Variants in GAN observed in about 807,000 individuals in gnomAD.
GAN encodes gigaxonin.
GAN carries 48 observed loss-of-function variants against 71.3 expected under a neutral mutation model. The observed-to-expected ratio is 0.67, with a 90% confidence interval of 0.53 to 0.86. The LOEUF (loss-of-function observed/expected upper bound fraction) is 0.86, where lower values mean the gene tolerates loss of function less well. GAN is among the 40% of genes least tolerant of loss of function. The pLI is 0.00. For missense variants in GAN, 928 were observed against 770.1 expected (o/e 1.21, Z -2.43); for synonymous variants, 386 against 276.8 (o/e 1.39, Z -3.92).
chr16:81,334,443 T>C (rs1451408306), intron 1 of GAN, among the ~76,000 whole-genome samples: 1 of 152,156 alleles, frequency 6.6e-6, no homozygotes, highest in Non-Finnish European at 1.5e-5. Flanking sequence ...TTTCACTACA[T>C]TGCATCTCCG....
rs949227747 is a variant in GAN at position 81,387,267 on chromosome 16, G to A, written c.*9671G>A. ...AAATTTCAGAAAAAAGTTTTGTTGCGGGGGGTGGGATATTGATCATTTGAA... is the reference window on the plus strand; with the variant it reads ...AAATTTCAGAAAAAAGTTTTGTTGCAGGGGGTGGGATATTGATCATTTGAA... On this transcript the variant is annotated 3_prime_UTR_variant, in exon 11 of 11. Transcript: ENST00000648994. The A allele has an allele frequency of 1.3e-5, 2 of 152,074 alleles. No homozygotes were observed. Among genetic ancestry groups the A allele is most frequent in the African/African-American group, 2.4e-5 (1 of 41,412 alleles). The allele number at this position is 152,074 out of a possible 1,614,324, so 9.4% of individuals were successfully genotyped here.
chr16:81,341,756 G>A (rs1339614166), intron 1 of GAN, among the ~76,000 whole-genome samples: 1 of 152,158 alleles, frequency 6.6e-6, no homozygotes, highest in Non-Finnish European at 1.5e-5. Flanking sequence ...TAGCATCATA[G>A]TGACAGGATC....
At position 81,374,747 on chromosome 16, in the gene GAN, C is replaced by T. The variant is rs138559690; in HGVS notation, c.1503-2472C>T. Among the ~76,000 whole-genome samples the T allele has an allele frequency of 3.7e-3, 556 of 152,312 alleles. 5 individuals are homozygous for T. The highest frequency in any genetic ancestry group is 0.013 in the African/African-American group (522 of 41,570). On this transcript the variant is annotated intron_variant, in intron 9 of 10. Coordinates refer to ENST00000648994, the MANE Select transcript of GAN (RefSeq NM_022041.4). ...TTCCTATCTGGCACGACAGGATGCC[C>T]CAGGCCCCTCTTGTATTTTCTCTGC... is the stretch of plus-strand genomic sequence containing the variant.
intron 1 of GAN, among the ~76,000 whole-genome samples, chr16:81,331,348 C>G (rs188405516): frequency 6.6e-6 from 1 of 152,250 alleles, no homozygotes; most frequent in Admixed American, 6.5e-5. Flanking sequence ...CAGGATGGGA[C>G]TAGATTGGAT....
At chr16:81,349,968 T>C (rs1233026976) in intron 1 of GAN, among the ~76,000 whole-genome samples, 1 of 152,218 alleles carries the variant, frequency 6.6e-6, no homozygotes, top group Non-Finnish European at 1.5e-5. Context: ...TTTTAAACCT[T>C]AAATTTTCTT....
chr16:81,357,262 C>G (rs887730118), intron 4 of GAN, among the ~76,000 whole-genome samples: 1 of 152,190 alleles, frequency 6.6e-6, no homozygotes, highest in Non-Finnish European at 1.5e-5. Context: ...CCCTCTCCCT[C>G]CACCCCGCAA....
intron 1 of GAN, among the ~76,000 whole-genome samples, chr16:81,328,673 C>T (rs570145890): frequency 2.7e-5 from 4 of 146,866 alleles, no homozygotes; most frequent in African/African-American, 7.5e-5. Context: ...AGATCTATCA[C>T]CATTTTTTTT....
intron 8 of GAN, 34 bp downstream of exon 8, chr16:81,365,144 C>T (rs1910809569): frequency 2.5e-6 from 4 of 1,608,936 alleles, no homozygotes; most frequent in South Asian, 1.1e-5. Context: ...TGTAGATTCC[C>T]TTGCTGTTCA....
At position 81,384,117 on chromosome 16, in the gene GAN, G is replaced by T. The variant is rs938137837; in HGVS notation, c.*6521G>T. ...GATGAGAATTACATGCACTTATTCA[G>T]TTGTTCTTTGTGTTTATAGGAAAAA... On this transcript the variant is annotated 3_prime_UTR_variant, in exon 11 of 11. Coordinates refer to ENST00000648994, the MANE Select transcript of GAN (RefSeq NM_022041.4). The T allele has an allele frequency of 6.6e-6, 1 of 151,884 alleles. No homozygotes were observed. The highest frequency in any genetic ancestry group is 1.5e-5 in the Non-Finnish European group (1 of 67,996). The allele number at this position is 151,884 out of a possible 1,614,324, so 9.4% of individuals were successfully genotyped here.
At chr16:81,316,031 C>T (rs1195009730) in intron 1 of GAN, among the ~76,000 whole-genome samples, 1 of 152,206 alleles carries the variant, frequency 6.6e-6, no homozygotes, top group South Asian at 2.1e-4. Flanking sequence ...CGACAAAGGG[C>T]ATTTTAATAC....
At chr16:81,359,917 T>G (rs904963679) in intron 5 of GAN, among the ~76,000 whole-genome samples, 2 of 152,220 alleles carry the variant, frequency 1.3e-5, no homozygotes, top group African/African-American at 4.8e-5. Context: ...TCACCTATTT[T>G]CGGACTGCAG....
Position 81,355,232 on chromosome 16 carries a change from A to G in GAN, c.633+477A>G, listed in dbSNP as rs1486140738. The stretch of plus-strand genomic sequence containing the variant: ...TGACACCACGCAGGAGAAAGCAGGC[A>G]GGCTCTGGAGTTTGTGTGGCAGTGC... On this transcript the variant is annotated intron_variant, in intron 3 of 10. Coordinates refer to ENST00000648994, the MANE Select transcript of GAN (RefSeq NM_022041.4). Among the ~76,000 whole-genome samples the G allele has an allele frequency of 2.0e-5, 3 of 152,340 alleles. No homozygotes were observed. The East Asian group carries it at 5.8e-4, about 29-fold the overall frequency.
In GAN at chr16:81,358,245, A is replaced by G. The variant is rs566646722; in HGVS notation, c.973+314A>G. On this transcript the variant is annotated intron_variant, in intron 5 of 10. Transcript: ENST00000648994. The stretch of plus-strand genomic sequence containing the variant: ...AGCTGTAGGGCCACACCTGGAACAC[A>G]GCGTTTCTTTGCACCATGGTAGTCC... Among the ~76,000 whole-genome samples the G allele has an allele frequency of 3.9e-5, 6 of 152,324 alleles. No individual in the cohort carries two copies. In the East Asian group the frequency reaches 1.2e-3, roughly 29 times the overall value.
At chr16:81,376,981 C>G (rs369390966) in intron 9 of GAN, among the ~76,000 whole-genome samples, 6 of 152,190 alleles carry the variant, frequency 3.9e-5, no homozygotes, top group Non-Finnish European at 5.9e-5. Flanking sequence ...TGAGCAGAAG[C>G]AGGTTGGAAA....
intron 1 of GAN, among the ~76,000 whole-genome samples, chr16:81,342,134 A>G (rs1284349511): frequency 1.3e-5 from 2 of 152,226 alleles, no homozygotes; most frequent in Middle Eastern, 3.2e-3. Context: ...TTCATAAAGC[A>G]AGTTCTTAGA....
chr16:81,364,839 AG>A, intron 7 of GAN, 134 bp from the exon 8 acceptor site: 1 of 854,174 alleles, frequency 1.2e-6, no homozygotes, highest in Non-Finnish European at 2.0e-6. Flanking sequence ...AATACTGAAA[AG>A]CACCATCGTT....
intron 3 of GAN, among the ~76,000 whole-genome samples, 166 bp from the exon 4 acceptor site, chr16:81,356,619 G>T (rs1910493772): frequency 1.3e-5 from 2 of 152,194 alleles, no homozygotes; most frequent in South Asian, 2.1e-4. Flanking sequence ...GAAGTAGACA[G>T]TTAGGGCCAG....
chr16:81,335,693 G>T (rs938395186), intron 1 of GAN, among the ~76,000 whole-genome samples: 1 of 137,120 alleles, frequency 7.3e-6, no homozygotes, highest in African/African-American at 2.8e-5. Context: ...GTTGCAGTGA[G>T]CCAAGATCAC....
At chr16:81,339,750 A>T (rs757028424) in intron 1 of GAN, among the ~76,000 whole-genome samples, 6 of 152,150 alleles carry the variant, frequency 3.9e-5, no homozygotes, top group Admixed American at 2.6e-4. Context: ...ATCTAGGAAA[A>T]ATCTGTAGAA....
Sources: allele counts gnomAD v4.1 joint callset (sites outside exome capture counted in the v4.1 genomes callset), GRCh38; gene constraint gnomAD v4.1.1; transcripts MANE v1.5; gene names NCBI Gene and HGNC (gene_info 2026-07-23, HGNC 2026-07-21).